CYLC1: variants seen among roughly 807,000 people sequenced by gnomAD.
The protein encoded by CYLC1 is cylicin-1.
In CYLC1, 2 loss-of-function variants were observed where a neutral mutation model predicts 31.6. That is an observed-to-expected ratio of 0.06 (90% CI 0.03 to 0.20). CYLC1 has a LOEUF of 0.20. CYLC1 is among the 10% of genes least tolerant of loss of function. The pLI, the probability that CYLC1 is intolerant of heterozygous loss-of-function variation, is 1.00. For missense variants in CYLC1, 595 were observed against 424.1 expected (o/e 1.40, Z -3.54); for synonymous variants, 185 against 153.0 (o/e 1.21, Z -1.54).
intron 4 of CYLC1, among the ~76,000 whole-genome samples, chrX:83,877,485 G>A (rs888804426): frequency 9.1e-6 from 1 of 110,395 alleles, no homozygotes; most frequent in Non-Finnish European, 1.9e-5. Context: ...CCATAATCAT[G>A]TAGCACTTCT....
intron 4 of CYLC1, among the ~76,000 whole-genome samples, chrX:83,876,358 G>A (rs1342214404): frequency 9.1e-6 from 1 of 110,439 alleles, no homozygotes; most frequent in Non-Finnish European, 1.9e-5. Flanking sequence ...GTACACTGGG[G>A]AATAATTTTT....
intron 4 of CYLC1, among the ~76,000 whole-genome samples, chrX:83,879,559 T>C (rs193135575): frequency 8.0e-4 from 90 of 111,884 alleles, no homozygotes; most frequent in South Asian, 2.6e-3. Context: ...ATACCATACA[T>C]TGTGATTTGT....
chrX:83,862,415 C>A (rs1327871867), intron 1 of CYLC1, among the ~76,000 whole-genome samples: 1 of 107,894 alleles, frequency 9.3e-6, no homozygotes, highest in African/African-American at 3.4e-5. Context: ...TGGTGGCAGG[C>A]GCCTGTAGTC....
intron 4 of CYLC1, among the ~76,000 whole-genome samples, chrX:83,882,696 C>CA (rs1352822955): frequency 1.8e-5 from 2 of 110,480 alleles, no homozygotes; most frequent in African/African-American, 6.6e-5. Context: ...TATTAGACCT[C>CA]AACTCTTCTC....
chrX:83,882,778 A>G (rs981590575), intron 4 of CYLC1, among the ~76,000 whole-genome samples: 1 of 111,275 alleles, frequency 9.0e-6, no homozygotes, highest in Non-Finnish European at 1.9e-5. Context: ...TTCAAACTGT[A>G]TATCCCTAGA....
chrX:83,866,137 G>T (rs1305765003), intron 1 of CYLC1, among the ~76,000 whole-genome samples: 3 of 111,186 alleles, frequency 2.7e-5, no homozygotes, highest in Non-Finnish European at 5.7e-5. Context: ...TTCCATCCTG[G>T]GGTGAAATTA....
rs1374170173 is a variant in CYLC1, at chrX:83,873,640, A to G, written c.932A>G (p.Lys311Arg). The G allele has an allele frequency of 8.4e-7, 1 of 1,197,080 alleles. No individual in the cohort carries two copies. Among genetic ancestry groups the G allele is most frequent in the Non-Finnish European group, 1.1e-6 (1 of 889,630 alleles). Residue 311 changes from lysine (K) to arginine (R), a missense_variant, in exon 4 of 5, where the codon AAG (lysine) becomes AGG (arginine). By Grantham distance (26) the Lys-to-Arg change is conservative (BLOSUM62 2). Transcript: ENST00000329312. ...TCAAAGGATGCTAAGAAAGATTCAA[A>G]GAAAGTTAAGAAAAATGTCAAGAAA... ...EDSKDAKKDS[K>R]KVKKNVKKDD...
intron 4 of CYLC1, among the ~76,000 whole-genome samples, chrX:83,882,858 G>T (rs746454914): frequency 1.8e-5 from 2 of 110,778 alleles, no homozygotes; most frequent in African/African-American, 6.5e-5. Context: ...CAAGAGATCA[G>T]AAAAAAATGA....
chrX:83,879,715 T>G (rs1212476818), intron 4 of CYLC1, among the ~76,000 whole-genome samples: 4 of 90,409 alleles, frequency 4.4e-5, no homozygotes, highest in Non-Finnish European at 7.1e-5. Context: ...CTTTACCATA[T>G]CAAACATTCA....
At chrX:83,862,082 T>G (rs1004488939) in intron 1 of CYLC1, among the ~76,000 whole-genome samples, 5 of 111,689 alleles carry the variant, frequency 4.5e-5, no homozygotes, top group African/African-American at 6.5e-5. Context: ...ATTTAGAAAA[T>G]ATTTCACTCA....
chrX:83,877,264 G>C (rs1008837461), intron 4 of CYLC1, among the ~76,000 whole-genome samples: 3 of 110,632 alleles, frequency 2.7e-5, no homozygotes, highest in Non-Finnish European at 3.8e-5. Context: ...TACCACCTTC[G>C]TTGCTCCAGT....
At chrX:83,882,840 C>A (rs2031930871) in intron 4 of CYLC1, among the ~76,000 whole-genome samples, 1 of 111,042 alleles carries the variant, frequency 9.0e-6, no homozygotes, top group South Asian at 3.8e-4. Context: ...CAAACACTTT[C>A]TAAGCTCCAA....
chrX:83,876,638 G>A (rs983074654), intron 4 of CYLC1, among the ~76,000 whole-genome samples: 1 of 109,954 alleles, frequency 9.1e-6, no homozygotes, highest in Non-Finnish European at 1.9e-5. Context: ...ACCTTCTTGT[G>A]GCCATATCTA....
intron 4 of CYLC1, among the ~76,000 whole-genome samples, chrX:83,879,105 G>A (rs1339722287): frequency 1.8e-5 from 2 of 110,727 alleles, no homozygotes; most frequent in African/African-American, 6.6e-5. Flanking sequence ...AGGTAGAAAA[G>A]TAGGGTGTTA....
intron 4 of CYLC1, among the ~76,000 whole-genome samples, chrX:83,883,401 T>G (rs2031938968): frequency 8.9e-6 from 1 of 112,050 alleles, no homozygotes; most frequent in African/African-American, 3.2e-5. Context: ...ATGTTTTATC[T>G]ATCAATAAAT....
intron 4 of CYLC1, among the ~76,000 whole-genome samples, chrX:83,880,001 T>G (rs2147786356): frequency 8.9e-6 from 1 of 112,001 alleles, no homozygotes; most frequent in African/African-American, 3.2e-5. Flanking sequence ...TTTTGAATGT[T>G]TGTCGTGCCA....
At chrX:83,870,377 A>T (rs1342830442) in intron 2 of CYLC1, among the ~76,000 whole-genome samples, 2 of 111,475 alleles carry the variant, frequency 1.8e-5, no homozygotes, top group Admixed American at 1.9e-4. Context: ...ACCCCTCAGG[A>T]TACATATAAA....
In CYLC1 at chrX:83,874,498, C is replaced by T; in HGVS notation, c.1790C>T (p.Thr597Ile). Residue 597 changes from threonine (T) to isoleucine (I), a missense_variant, in exon 4 of 5, where the codon ACA becomes ATA. Coordinates refer to ENST00000329312, the MANE Select transcript of CYLC1 (RefSeq NM_021118.3). ...TFNEKGEKAS[T>I]GRVPPSREKP... ...AATGAAAAAGGGGAAAAAGCAAGTACAGGTAGAGTTCCTCCATCAAGAGAA... is the reference window on the plus strand; with the variant it reads ...AATGAAAAAGGGGAAAAAGCAAGTATAGGTAGAGTTCCTCCATCAAGAGAA... The T allele has an allele frequency of 8.3e-7, 1 of 1,209,809 alleles. No homozygotes were observed. Among genetic ancestry groups the T allele is most frequent in the South Asian group, 1.8e-5 (1 of 56,897 alleles).
chrX:83,861,428 CT>C (rs779000286), intron 1 of CYLC1, among the ~76,000 whole-genome samples: 98 of 111,648 alleles, frequency 8.8e-4, no homozygotes, highest in South Asian at 6.7e-3. Context: ...CGAATCTTGA[CT>C]GTTTGATCTC....
Sources: gnomAD v4.1 joint callset for allele counts (sites outside exome capture counted in the v4.1 genomes callset) on GRCh38, gnomAD v4.1.1 for gene constraint, MANE v1.5 for transcripts, NCBI Gene and HGNC (gene_info 2026-07-23, HGNC 2026-07-21) for gene names.